Variants in P4HA1 observed in about 807,000 individuals in gnomAD.
The protein encoded by P4HA1 is prolyl 4-hydroxylase subunit alpha-1.
A neutral mutation model predicts 72.8 loss-of-function variants in P4HA1; 24 were observed. That is an observed-to-expected ratio of 0.33 (90% CI 0.24 to 0.46). The LOEUF is 0.46. P4HA1 is among the 20% of genes least tolerant of loss of function. The pLI is 1.00. For missense variants in P4HA1, 446 were observed against 640.6 expected, an observed-to-expected ratio of 0.70 and a Z score of 3.28; for synonymous variants, 201 against 218.8, an observed-to-expected ratio of 0.92 and a Z score of 0.72.
At chr10:73,038,609 G>A (rs1840655921) in intron 9 of P4HA1, among the ~76,000 whole-genome samples, 1 of 147,290 alleles carries the variant, frequency 6.8e-6, no homozygotes, top group Non-Finnish European at 1.5e-5. Context: ...TAAATTCTTA[G>A]GGTTTTTATT....
chr10:73,065,978 T>C (rs1288748099), intron 5 of P4HA1, among the ~76,000 whole-genome samples: 1 of 152,166 alleles, frequency 6.6e-6, no homozygotes, highest in Non-Finnish European at 1.5e-5. Context: ...TGATGTACTA[T>C]TGACATAAAA....
chr10:73,072,638 C>T (rs1472887432), intron 3 of P4HA1, among the ~76,000 whole-genome samples: 1 of 152,120 alleles, frequency 6.6e-6, no homozygotes, highest in Non-Finnish European at 1.5e-5. Flanking sequence ...CACTTAGCTA[C>T]TCATTAAATA....
Position 73,007,345 on chromosome 10 carries a change from T to TG in P4HA1, c.*876dup, listed in dbSNP as rs1484115194. Reference sequence around the variant, plus strand: ...TAAAAAAAATCAATTCCCTCATCACTGAAAGGACTTGTACATTTTTAAACT... The same window carrying TG: ...TAAAAAAAATCAATTCCCTCATCACTGGAAAGGACTTGTACATTTTTAAACT... On this transcript the variant is annotated 3_prime_UTR_variant, in exon 15 of 15. Coordinates refer to ENST00000394890, the MANE Select transcript of P4HA1 (RefSeq NM_001017962.3). The TG allele has an allele frequency of 3.3e-5, 5 of 152,626 alleles. No homozygotes were observed. Among genetic ancestry groups the TG allele is most frequent in the African/African-American group, 1.2e-4 (5 of 41,460 alleles). The allele number at this position is 152,626 out of a possible 1,614,324, so 9.5% of individuals were successfully genotyped here. A position where few individuals can be genotyped will look rare whatever the true frequency, so the allele number is the denominator to read the frequency against.
intron 9 of P4HA1, among the ~76,000 whole-genome samples, chr10:73,039,716 C>T (rs560288880): frequency 8.5e-4 from 129 of 152,308 alleles, no homozygotes; most frequent in Non-Finnish European, 1.5e-3. Context: ...GTGATGTCAT[C>T]GCTTAGACAG....
chr10:73,057,494 A>AAAAAAC (rs1255889044), intron 5 of P4HA1, among the ~76,000 whole-genome samples: 2 of 152,164 alleles, frequency 1.3e-5, no homozygotes, highest in Admixed American at 6.5e-5. Context: ...CATCTCTTAA[A>AAAAAAC]AAAAACAAAA....
chr10:73,095,730 G>A (rs1419429144), intron 1 of P4HA1, among the ~76,000 whole-genome samples: 1 of 152,122 alleles, frequency 6.6e-6, no homozygotes, highest in Non-Finnish European at 1.5e-5. Context: ...CCTAAAAGAG[G>A]ATCTAGCTGC....
chr10:73,053,805 A>G (rs1473123425), intron 5 of P4HA1, among the ~76,000 whole-genome samples: 2 of 152,204 alleles, frequency 1.3e-5, no homozygotes, highest in Non-Finnish European at 2.9e-5. Flanking sequence ...GGGGACACAG[A>G]ACCTAGAGAA....
At chr10:73,089,420 C>T (rs1841982671) in intron 1 of P4HA1, among the ~76,000 whole-genome samples, 1 of 152,092 alleles carries the variant, frequency 6.6e-6, no homozygotes. Context: ...AAGCCAACAA[C>T]TGGGAAAAAA....
intron 5 of P4HA1, among the ~76,000 whole-genome samples, chr10:73,057,491 TAAAAAA>T (rs897883474): frequency 1.3e-5 from 2 of 150,536 alleles, no homozygotes; most frequent in Non-Finnish European, 1.5e-5. Flanking sequence ...CTCCATCTCT[TAAAAAA>T]AACAAAAACA....
intron 9 of P4HA1, among the ~76,000 whole-genome samples, chr10:73,032,390 G>T (rs752148064): frequency 6.6e-6 from 1 of 152,036 alleles, no homozygotes; most frequent in Non-Finnish European, 1.5e-5. Context: ...TAAATCTAAT[G>T]ACATTTTTCA....
chr10:73,014,176 CTT>C (rs761808843), intron 12 of P4HA1, 46 bp downstream of exon 12: 23 of 1,207,964 alleles, frequency 1.9e-5, no homozygotes, highest in Middle Eastern at 1.9e-4. Context: ...TAAAATGAAT[CTT>C]GTCATCAAAT....
intron 5 of P4HA1, among the ~76,000 whole-genome samples, chr10:73,063,803 TCTTA>T (rs1302089700): frequency 2.0e-5 from 3 of 152,234 alleles, no homozygotes; most frequent in Non-Finnish European, 4.4e-5. Flanking sequence ...TTTCTGCTTG[TCTTA>T]CTTACTGATC....
At chr10:73,091,171 AAAATAAATAAAT>A (rs141974264) in intron 1 of P4HA1, among the ~76,000 whole-genome samples, 23 of 151,146 alleles carry the variant, frequency 1.5e-4, no homozygotes, top group East Asian at 1.4e-3. Flanking sequence ...GTTTACCAAA[AAAATAAATAAAT>A]AAATAAATAA....
At chr10:73,011,796 A>G (rs1158828076) in intron 12 of P4HA1, among the ~76,000 whole-genome samples, 2 of 152,202 alleles carry the variant, frequency 1.3e-5, no homozygotes, top group Admixed American at 6.5e-5. Context: ...TTACAAACAC[A>G]GAACACAAAA....
intron 12 of P4HA1, among the ~76,000 whole-genome samples, chr10:73,013,275 G>T (rs1354115307): frequency 2.0e-5 from 3 of 152,176 alleles, no homozygotes; most frequent in Non-Finnish European, 4.4e-5. Context: ...TGTAATTGCT[G>T]TAACAGAATA....
At chr10:73,008,798 A>T (rs1839848195) in intron 14 of P4HA1, among the ~76,000 whole-genome samples, 4 of 151,646 alleles carry the variant, frequency 2.6e-5, no homozygotes, top group Admixed American at 2.6e-4. Context: ...ACCATGTAAA[A>T]ATGTATCCCA....
intron 5 of P4HA1, among the ~76,000 whole-genome samples, chr10:73,061,543 A>G (rs2133114331): frequency 6.6e-6 from 1 of 152,370 alleles, no homozygotes; most frequent in East Asian, 1.9e-4. Flanking sequence ...TGGGTATTAA[A>G]TTATATTAAG....
intron 5 of P4HA1, among the ~76,000 whole-genome samples, chr10:73,061,147 G>A (rs563055540): frequency 6.6e-6 from 1 of 152,312 alleles, no homozygotes; most frequent in South Asian, 2.1e-4. Flanking sequence ...GGAGGGATCA[G>A]GCTCTCATCA....
chr10:73,047,769 G>A (rs977339933), intron 7 of P4HA1, among the ~76,000 whole-genome samples: 1 of 152,000 alleles, frequency 6.6e-6, no homozygotes, highest in Non-Finnish European at 1.5e-5. Context: ...AGTATGTCAG[G>A]CCTGGCATGG....
Sources: gnomAD v4.1 joint callset for allele counts (sites outside exome capture counted in the v4.1 genomes callset) on GRCh38, gnomAD v4.1.1 for gene constraint, MANE v1.5 for transcripts, NCBI Gene and HGNC (gene_info 2026-07-23, HGNC 2026-07-21) for gene names.